Variants in PHYHIPL observed in about 807,000 individuals in gnomAD.
PHYHIPL encodes the protein phytanoyl-CoA hydroxylase-interacting protein-like.
Under a neutral mutation model 33.4 loss-of-function variants are expected in PHYHIPL, and 9 were observed. The observed-to-expected ratio is 0.27, with a 90% CI of 0.16 to 0.47. The LOEUF is 0.47. Among genes scored for constraint, PHYHIPL ranks in the 20% least tolerant of loss-of-function variants. PHYHIPL has a pLI of 0.99. For missense variants in PHYHIPL, 365 were observed against 460.7 expected, an observed-to-expected ratio of 0.79 and a Z score of 1.90; for synonymous variants, 153 against 154.1, an observed-to-expected ratio of 0.99 and a Z score of 0.05.
intron 1 of PHYHIPL, among the ~76,000 whole-genome samples, chr10:59,193,147 G>C (rs1268740430): frequency 1.3e-5 from 2 of 152,028 alleles, no homozygotes; most frequent in Non-Finnish European, 2.9e-5. Context: ...TATGCCTTTT[G>C]TGTACATGTG....
chr10:59,240,256 G>GT (rs1412288010), intron 4 of PHYHIPL, among the ~76,000 whole-genome samples: 2 of 152,130 alleles, frequency 1.3e-5, no homozygotes, highest in Admixed American at 6.6e-5. Flanking sequence ...GTGCTTGTCA[G>GT]TTGTGGATTG....
chr10:59,185,092 G>A (rs1293405747), intron 1 of PHYHIPL, among the ~76,000 whole-genome samples: 4 of 143,760 alleles, frequency 2.8e-5, no homozygotes, highest in East Asian at 2.1e-4. Context: ...CCAGGTTCAC[G>A]CCATTCTCCT....
chr10:59,245,432 T>C lies in PHYHIPL; in HGVS notation c.972T>C (p.His324=). The C allele has an allele frequency of 6.2e-7, 1 of 1,614,174 alleles. No homozygotes were observed. Among genetic ancestry groups the C allele is most frequent in the Non-Finnish European group, 8.5e-7 (1 of 1,180,026 alleles). The change falls in exon 5 of 5, where the codon CAT becomes CAC. Residue 324 remains histidine, a synonymous_variant. Transcript: ENST00000373880. ...TEEDGVLVYH[H]AQDVILEVIY... is the part of the protein sequence containing the mutation. ...AAGATGGGGTGCTGGTTTACCACCATGCCCAGGATGTCATTTTAGAAGTCA... is the reference window on the plus strand; with the variant it reads ...AAGATGGGGTGCTGGTTTACCACCACGCCCAGGATGTCATTTTAGAAGTCA...
intron 4 of PHYHIPL, among the ~76,000 whole-genome samples, chr10:59,239,627 T>G (rs1205573274): frequency 1.3e-5 from 2 of 152,092 alleles, no homozygotes; most frequent in Non-Finnish European, 2.9e-5. Flanking sequence ...CCTATGTTTA[T>G]CCCTGGAAGC....
At chr10:59,211,293 C>T (rs572293625) in intron 1 of PHYHIPL, among the ~76,000 whole-genome samples, 2 of 152,230 alleles carry the variant, frequency 1.3e-5, no homozygotes, top group East Asian at 3.9e-4. Context: ...AGGAGGATCA[C>T]TTGAGCCCAG....
intron 3 of PHYHIPL, 110 bp downstream of exon 3, chr10:59,236,767 A>AT (rs1347634656): frequency 1.6e-5 from 15 of 939,576 alleles, no homozygotes; most frequent in East Asian, 6.0e-5. Context: ...GACATTGGTC[A>AT]TTTTTTGCGT....
chr10:59,219,555 T>G (rs1438724066), intron 1 of PHYHIPL, among the ~76,000 whole-genome samples: 1 of 152,182 alleles, frequency 6.6e-6, no homozygotes, highest in African/African-American at 2.4e-5. Context: ...AAGTAAGAAT[T>G]TATTTTTATT....
In PHYHIPL at chr10:59,246,119, T is replaced by G. The variant is rs1840679322; in HGVS notation, c.*528T>G. The G allele has an allele frequency of 6.5e-6, 1 of 152,802 alleles. No individual in the cohort carries two copies. Among genetic ancestry groups the G allele is most frequent in the East Asian group, 1.9e-4 (1 of 5,198 alleles). 9.5% of individuals were successfully genotyped at this position (152,802 alleles called of 1,614,324 possible). The stretch of plus-strand genomic sequence containing the variant: ...AGCTAACAGGAAACAACTACTGTGT[T>G]TCAACATAATAAATATAATAGAAAA... On this transcript the variant is annotated 3_prime_UTR_variant, in exon 5 of 5. Coordinates refer to ENST00000373880, the MANE Select transcript of PHYHIPL (RefSeq NM_032439.4).
upstream of PHYHIPL, among the ~76,000 whole-genome samples, chr10:59,176,271 C>T (rs1175670217): frequency 3.3e-5 from 5 of 152,198 alleles, no homozygotes; most frequent in African/African-American, 1.2e-4. Context: ...TGCTCGCCCT[C>T]GCCTCCCCGT....
intron 1 of PHYHIPL, among the ~76,000 whole-genome samples, chr10:59,233,981 C>T (rs144103965): frequency 4.0e-5 from 6 of 151,750 alleles, no homozygotes; most frequent in Admixed American, 2.6e-4. Context: ...CTTTCATTAT[C>T]AACATGTCTA....
intron 1 of PHYHIPL, among the ~76,000 whole-genome samples, chr10:59,224,514 C>CAAAACAAAA: frequency 6.7e-6 from 1 of 149,076 alleles, no homozygotes; most frequent in Middle Eastern, 3.4e-3. Flanking sequence ...AAACAAAAAA[C>CAAAACAAAA]AAAACAAAAC....
intron 1 of PHYHIPL, among the ~76,000 whole-genome samples, chr10:59,191,513 T>C (rs1838783437): frequency 6.6e-6 from 1 of 152,018 alleles, no homozygotes; most frequent in African/African-American, 2.4e-5. Context: ...TTTATGGAAT[T>C]GTCAGCAACC....
intron 1 of PHYHIPL, among the ~76,000 whole-genome samples, chr10:59,203,794 C>T (rs1488512992): frequency 6.6e-6 from 1 of 151,626 alleles, no homozygotes; most frequent in African/African-American, 2.4e-5. Context: ...GGAGGGATAG[C>T]ATTGGGAGAA....
chr10:59,204,110 T>C (rs940267069), intron 1 of PHYHIPL, among the ~76,000 whole-genome samples: 1 of 152,210 alleles, frequency 6.6e-6, no homozygotes, highest in African/African-American at 2.4e-5. Flanking sequence ...AGAATGTATG[T>C]AGGGTTTAGG....
chr10:59,199,066 T>C (rs1839016383), intron 1 of PHYHIPL, among the ~76,000 whole-genome samples: 1 of 152,180 alleles, frequency 6.6e-6, no homozygotes, highest in Non-Finnish European at 1.5e-5. Flanking sequence ...TTTAATTAGA[T>C]CCCATTTGTC....
chr10:59,222,947 A>C (rs2133261456), intron 1 of PHYHIPL, among the ~76,000 whole-genome samples: 1 of 152,292 alleles, frequency 6.6e-6, no homozygotes, highest in East Asian at 1.9e-4. Flanking sequence ...TTACCCTATG[A>C]GGAAACAGGC....
intron 1 of PHYHIPL, among the ~76,000 whole-genome samples, chr10:59,230,196 A>G (rs1840039036): frequency 7.1e-6 from 1 of 140,730 alleles, no homozygotes; most frequent in African/African-American, 2.6e-5. Context: ...TACATGAAAT[A>G]TTTTAAAATT....
intron 2 of PHYHIPL, among the ~76,000 whole-genome samples, chr10:59,234,729 A>G (rs2133286576): frequency 6.6e-6 from 1 of 152,008 alleles, no homozygotes; most frequent in South Asian, 2.1e-4. Flanking sequence ...AGGTAAAATC[A>G]TGACTATCAT....
At chr10:59,181,534 CT>C (rs1243795487) in intron 1 of PHYHIPL, among the ~76,000 whole-genome samples, 1 of 152,034 alleles carries the variant, frequency 6.6e-6, no homozygotes, top group African/African-American at 2.4e-5. Flanking sequence ...GGCTTGTAAC[CT>C]TGATGGTTGC....
Sources: gnomAD v4.1 joint callset for allele counts (sites outside exome capture counted in the v4.1 genomes callset) on GRCh38, gnomAD v4.1.1 for gene constraint, MANE v1.5 for transcripts, NCBI Gene and HGNC (gene_info 2026-07-23, HGNC 2026-07-21) for gene names.